The following ZNF710 variants were observed in gnomAD, a reference collection of about 807,000 sequenced individuals.
ZNF710 encodes the protein zinc finger protein 710.
Under a neutral mutation model 50.6 loss-of-function variants are expected in ZNF710, and 13 were observed. The observed-to-expected ratio is 0.26, with a 90% CI of 0.17 to 0.41. The LOEUF is 0.41. ZNF710 is among the 10% of genes least tolerant of loss of function. The pLI is 1.00. For missense variants in ZNF710, 721 were observed against 936.6 expected, an observed-to-expected ratio of 0.77 and a Z score of 3.01; for synonymous variants, 383 against 397.0, an observed-to-expected ratio of 0.96 and a Z score of 0.42.
intron 1 of ZNF710, among the ~76,000 whole-genome samples, chr15:90,030,189 T>C (rs1391446505): frequency 1.3e-5 from 2 of 150,766 alleles, no homozygotes; most frequent in Non-Finnish European, 3.0e-5. Flanking sequence ...ATTAGCCGGA[T>C]GTGGTGGTGC....
intron 1 of ZNF710, among the ~76,000 whole-genome samples, chr15:90,048,233 A>G (rs1899529562): frequency 6.6e-6 from 1 of 152,238 alleles, no homozygotes; most frequent in East Asian, 1.9e-4. Context: ...AAAGCTTTGT[A>G]AACTGCAGAG....
At chr15:90,029,487 C>G (rs1242613405) in intron 1 of ZNF710, among the ~76,000 whole-genome samples, 1 of 152,120 alleles carries the variant, frequency 6.6e-6, no homozygotes, top group Non-Finnish European at 1.5e-5. Flanking sequence ...TGATAATAGA[C>G]CAAGCATGGT....
rs554592504 is a variant in ZNF710, at chr15:90,055,120, G to A, written c.-28-11990G>A. Among the ~76,000 whole-genome samples the A allele has an allele frequency of 1.3e-3, 202 of 152,280 alleles. 1 individual carries two copies. Among genetic ancestry groups the A allele is most frequent in the African/African-American group, 4.7e-3 (195 of 41,550 alleles). ...ATCTAACTGGGATGGTAGCTATTAG[G>A]CAAGTAATTCTATAAATAAATAAAT... is the stretch of plus-strand genomic sequence containing the variant. On this transcript the variant is annotated intron_variant, in intron 1 of 4. Coordinates refer to ENST00000268154, the MANE Select transcript of ZNF710 (RefSeq NM_198526.4).
At position 90,067,866 on chromosome 15, in the gene ZNF710, A is replaced by T. The variant is rs1900237349; in HGVS notation, c.729A>T (p.Glu243Asp). 6.2e-7 allele frequency: 1 copy of T among 1,607,540 alleles called. No individual in the cohort carries two copies. The highest frequency in any genetic ancestry group is 1.1e-5 in the South Asian group (1 of 90,764). ...AGTCCCCGGAGCCTGTCAAGCCGGA[A>T]CAGGGCTTCGTGTGGCAGGAGGCCA... ...SMESPEPVKPEQGFVWQEASE... is the reference protein window; with the variant it reads ...SMESPEPVKPDQGFVWQEASE... Residue 243 changes from glutamate (E) to aspartate (D), a missense_variant, in exon 2 of 5, where the codon GAA becomes GAT. Physicochemically the swap from Glu to Asp is conservative, Grantham distance 45. Coordinates refer to ENST00000268154, the MANE Select transcript of ZNF710 (RefSeq NM_198526.4). The surrounding 1 kb of genome is among the most constrained non-coding windows in gnomAD (Gnocchi z 8.1).
chr15:90,072,530 G>T (rs1417852115), intron 2 of ZNF710, among the ~76,000 whole-genome samples: 1 of 152,084 alleles, frequency 6.6e-6, no homozygotes, highest in Non-Finnish European at 1.5e-5. Flanking sequence ...GGTGTCCATA[G>T]CTTCAATCAT....
intron 1 of ZNF710, among the ~76,000 whole-genome samples, chr15:90,065,384 C>T (rs1900135823): frequency 6.6e-6 from 1 of 152,180 alleles, no homozygotes; most frequent in South Asian, 2.1e-4. Flanking sequence ...CATCCCCTCT[C>T]CTCAGATGTG....
chr15:90,054,042 C>CT lies in ZNF710; in HGVS notation c.-28-13062dup, dbSNP rs1034377931. On this transcript the variant is annotated intron_variant, in intron 1 of 4. Coordinates refer to ENST00000268154, the MANE Select transcript of ZNF710 (RefSeq NM_198526.4). ...TTTTCCCTCCTTTCTTCCTTCTTTT[C>CT]TTTTTTATTTTTAAGCAAAAGATAA... Among the ~76,000 whole-genome samples the CT allele has an allele frequency of 3.9e-5, 6 of 152,164 alleles. No individual in the cohort carries two copies. The South Asian group carries it at 8.3e-4, about 21-fold the overall frequency.
At chr15:90,051,194 G>A (rs1236986920) in intron 1 of ZNF710, among the ~76,000 whole-genome samples, 2 of 149,364 alleles carry the variant, frequency 1.3e-5, no homozygotes, top group East Asian at 2.0e-4. Context: ...AGCCAAGATC[G>A]TGCCGCTGCA....
rs1341783375 is a variant in ZNF710, at chr15:90,068,007, C to T, written c.870C>T (p.Asp290=). 2 of 1,614,050 alleles carry T rather than the reference C, an allele frequency of 1.2e-6. No homozygotes were observed. Among genetic ancestry groups the T allele is most frequent in the Non-Finnish European group, 1.7e-6 (2 of 1,180,054 alleles). ...ACTCCTATCTGGTGGAGGCGGGCGA[C>T]CGCCAGAAGCGCTGGCAGTGCCGCA... ...IDDSYLVEAG[D]RQKRWQCRMC... The change falls in exon 2 of 5, where the codon GAC becomes GAT. Residue 290 remains aspartate, a synonymous_variant. Transcript: ENST00000268154. The surrounding 1 kb of genome is among the most constrained non-coding windows in gnomAD (Gnocchi z 5.0).
intron 1 of ZNF710, among the ~76,000 whole-genome samples, chr15:90,042,088 G>A (rs1180409283): frequency 6.6e-6 from 1 of 151,896 alleles, no homozygotes; most frequent in Non-Finnish European, 1.5e-5. Flanking sequence ...AGTAGAGATG[G>A]GGTTTCACCA....
intron 1 of ZNF710, among the ~76,000 whole-genome samples, chr15:90,038,143 A>T (rs1278220939): frequency 6.6e-6 from 1 of 152,172 alleles, no homozygotes; most frequent in African/African-American, 2.4e-5. Context: ...CGGTCCAAAT[A>T]TGATTTTCTA....
At chr15:90,024,078 G>A (rs890463092) in intron 1 of ZNF710, among the ~76,000 whole-genome samples, 1 of 151,854 alleles carries the variant, frequency 6.6e-6, no homozygotes, top group African/African-American at 2.4e-5. Context: ...GGTTTATAGA[G>A]AAAGGATGTC....
chr15:90,076,910 A>G (rs1183343081), intron 4 of ZNF710, among the ~76,000 whole-genome samples: 1 of 152,110 alleles, frequency 6.6e-6, no homozygotes, highest in African/African-American at 2.4e-5. Context: ...CTCAGTCACC[A>G]GGGATGCTTA....
chr15:90,067,847 C>G lies in ZNF710; in HGVS notation c.710C>G (p.Pro237Arg). 1 of 1,599,720 alleles carries G rather than the reference C, an allele frequency of 6.3e-7. No individual in the cohort carries two copies. The highest frequency in any genetic ancestry group is 1.1e-5 in the South Asian group (1 of 89,644). The change falls in exon 2 of 5, where the codon CCG (proline) becomes CGG (arginine). Residue 237 changes from proline (P) to arginine (R), a missense_variant. Physicochemically the swap from Pro to Arg is moderately radical, Grantham distance 103 (BLOSUM62 -2). Coordinates refer to ENST00000268154, the MANE Select transcript of ZNF710 (RefSeq NM_198526.4). The surrounding 1 kb of genome is among the most constrained non-coding windows in gnomAD (Gnocchi z 8.1). ...CCCGAGGCCCCCAGCATGGAGTCCC[C>G]GGAGCCTGTCAAGCCGGAACAGGGC... ...SDPEAPSMES[P>R]EPVKPEQGFV...
In ZNF710 at chr15:90,067,995, G is replaced by A; in HGVS notation, c.858G>A (p.Val286=). 1 of 1,614,116 alleles carries A rather than the reference G, an allele frequency of 6.2e-7. No homozygotes were observed. The highest frequency in any genetic ancestry group is 8.5e-7 in the Non-Finnish European group (1 of 1,180,010). ...TGCAGATTGACGACTCCTATCTGGT[G>A]GAGGCGGGCGACCGCCAGAAGCGCT... ...INVQIDDSYL[V]EAGDRQKRWQ... is the part of the protein sequence containing the mutation. The change falls in exon 2 of 5, where the codon GTG becomes GTA. Residue 286 remains valine (V), a synonymous_variant. Transcript: ENST00000268154. The surrounding 1 kb of genome is among the most constrained non-coding windows in gnomAD (Gnocchi z 8.1).
intron 1 of ZNF710, among the ~76,000 whole-genome samples, chr15:90,038,410 T>C (rs1405962278): frequency 6.6e-6 from 1 of 152,236 alleles, no homozygotes; most frequent in African/African-American, 2.4e-5. Context: ...TATCTCACTC[T>C]CTTTCACGTG....
At chr15:90,022,520 T>C (rs139292849) in intron 1 of ZNF710, among the ~76,000 whole-genome samples, 2,150 of 152,252 alleles carry the variant, frequency 0.014, 29 homozygotes, top group South Asian at 0.024. Context: ...CAACTGAGAA[T>C]GTGTCAAAAG....
intron 2 of ZNF710, among the ~76,000 whole-genome samples, chr15:90,070,506 T>G (rs534868872): frequency 6.6e-5 from 10 of 151,766 alleles, no homozygotes; most frequent in African/African-American, 2.4e-4. Flanking sequence ...ACCCTGGCTC[T>G]ACTAAAAATA....
intron 1 of ZNF710, among the ~76,000 whole-genome samples, chr15:90,029,328 G>A (rs965491327): frequency 6.6e-6 from 1 of 152,184 alleles, no homozygotes; most frequent in African/African-American, 2.4e-5. Context: ...AGCTCTCCTG[G>A]TCCAACCTAA....
Sources: gnomAD v4.1 joint callset for allele counts (sites outside exome capture counted in the v4.1 genomes callset) on GRCh38, gnomAD v4.1.1 for gene constraint, Gnocchi (gnomAD v3.1) non-coding constraint, MANE v1.5 for transcripts, NCBI Gene and HGNC (gene_info 2026-07-23, HGNC 2026-07-21) for gene names.